The following CFAP54 variants were observed in gnomAD, a reference collection of about 807,000 sequenced individuals.
CFAP54 encodes the protein cilia- and flagella-associated protein 54.
CFAP54 carries 290 observed loss-of-function variants against 370.4 expected under a neutral mutation model. The ratio of observed to expected loss-of-function variants is 0.78; its 90% CI spans 0.71 to 0.86. The LOEUF is 0.86. CFAP54 is among the 40% of genes least tolerant of loss of function. The pLI is 0.00. For synonymous variants in CFAP54, 1,206 were observed against 1,236.5 expected (o/e 0.98, Z 0.52); for missense variants, 3,399 against 3,528.7 (o/e 0.96, Z 0.93).
chr12:96,740,436 C>T (rs992355377), intron 51 of CFAP54, among the ~76,000 whole-genome samples: 1 of 152,236 alleles, frequency 6.6e-6, no homozygotes, highest in African/African-American at 2.4e-5. Flanking sequence ...CATTGCCAGT[C>T]AGATACCTGG....
At chr12:96,534,520 T>C (rs73374076) in intron 11 of CFAP54, among the ~76,000 whole-genome samples, 17,244 of 152,138 alleles carry the variant, frequency 0.11, 1,570 homozygotes, top group East Asian at 0.45. Context: ...TTCTATTTAC[T>C]TTCCGGCTTA....
chr12:96,494,072 A>C (rs1452448299), intron 1 of CFAP54, among the ~76,000 whole-genome samples: 2 of 152,148 alleles, frequency 1.3e-5, no homozygotes. Context: ...TTGACTAGCC[A>C]AACAGAGAGG....
intron 15 of CFAP54, among the ~76,000 whole-genome samples, chr12:96,549,250 C>T (rs535461902): frequency 3.3e-5 from 5 of 152,100 alleles, no homozygotes; most frequent in Non-Finnish European, 5.9e-5. Context: ...CATAGAAATC[C>T]TACCTATAGG....
Position 96,561,704 on chromosome 12 carries a change from TACACACACACACACACACACAC to T in CFAP54, c.2411-2742_2411-2721del, listed in dbSNP as rs56098924. The stretch of plus-strand genomic sequence containing the variant: ...CCTTTTAGTAGATAGAGCTAAGAAA[TACACACACACACACACACACAC>T]ACACACACACACACACACACATGTA... On this transcript the variant is annotated intron_variant, in intron 17 of 67. Transcript: ENST00000524981. 1.9e-4 allele frequency among the ~76,000 whole-genome samples: 24 copies of T among 125,376 alleles called. No homozygotes were observed. In the East Asian group the frequency reaches 4.9e-3, roughly 26 times the overall value. The allele number at this position is 125,376 out of a possible 152,430, so 82.3% of individuals were successfully genotyped here.
chr12:96,806,173 T>TAAA (rs1359533931), intron 63 of CFAP54, among the ~76,000 whole-genome samples: 1 of 50,668 alleles, frequency 2.0e-5, no homozygotes, highest in Admixed American at 1.7e-4. Context: ...TATATATATA[T>TAAA]ATATATATAT....
chr12:96,536,237 A>G (rs192093548), intron 12 of CFAP54, among the ~76,000 whole-genome samples: 1 of 152,308 alleles, frequency 6.6e-6, no homozygotes, highest in Admixed American at 6.5e-5. Context: ...TTTGCTGAGG[A>G]TAATGGAGAA....
intron 63 of CFAP54, among the ~76,000 whole-genome samples, chr12:96,808,654 A>G (rs1958904442): frequency 6.6e-6 from 1 of 152,188 alleles, no homozygotes; most frequent in Non-Finnish European, 1.5e-5. Flanking sequence ...TTATGTAGTC[A>G]AAAACACGTG....
At chr12:96,534,821 TGTCTTCTA>T (rs1482295350) in intron 11 of CFAP54, among the ~76,000 whole-genome samples, 18 of 152,214 alleles carry the variant, frequency 1.2e-4, no homozygotes, top group Admixed American at 1.2e-3. Context: ...TAATGATATA[TGTCTTCTA>T]GTGATTTCTG....
intron 4 of CFAP54, among the ~76,000 whole-genome samples, chr12:96,510,273 A>G (rs895976510): frequency 1.3e-5 from 2 of 149,466 alleles, no homozygotes; most frequent in African/African-American, 4.9e-5. Context: ...AAAAAAAAAG[A>G]ACAAAGGAAA....
chr12:96,720,115 GT>G (rs1424637924), intron 49 of CFAP54, among the ~76,000 whole-genome samples: 1 of 152,198 alleles, frequency 6.6e-6, no homozygotes, highest in East Asian at 1.9e-4. Context: ...AGTAATCAGT[GT>G]TTGCAAGAAC....
intron 64 of CFAP54, among the ~76,000 whole-genome samples, chr12:96,815,878 G>A (rs910026200): frequency 5.3e-5 from 8 of 152,146 alleles, no homozygotes; most frequent in African/African-American, 1.9e-4. Flanking sequence ...TTGTAGATGT[G>A]TGGTGTTATT....
intron 62 of CFAP54, among the ~76,000 whole-genome samples, chr12:96,787,953 C>G (rs1445070019): frequency 6.7e-6 from 1 of 150,072 alleles, no homozygotes; most frequent in African/African-American, 2.5e-5. Context: ...CTCTCTGTCG[C>G]CCAGCCTGAA....
intron 50 of CFAP54, among the ~76,000 whole-genome samples, chr12:96,722,422 G>A (rs879892680): frequency 1.3e-5 from 2 of 152,208 alleles, no homozygotes; most frequent in Non-Finnish European, 2.9e-5. Flanking sequence ...AGGCCATGGA[G>A]ACATGCCTGA....
chr12:96,757,095 C>G (rs964423807), intron 57 of CFAP54, among the ~76,000 whole-genome samples: 12 of 152,156 alleles, frequency 7.9e-5, no homozygotes, highest in Admixed American at 5.9e-4. Flanking sequence ...TTGCATAACT[C>G]TATGTATTTC....
At chr12:96,686,977 T>G (rs1957337600) in intron 42 of CFAP54, among the ~76,000 whole-genome samples, 1 of 152,214 alleles carries the variant, frequency 6.6e-6, no homozygotes, top group Admixed American at 6.5e-5. Context: ...ATCAGGGCTG[T>G]GCTTCCTCTG....
intron 33 of CFAP54, among the ~76,000 whole-genome samples, chr12:96,644,673 A>G (rs545453690): frequency 2.0e-5 from 3 of 152,288 alleles, no homozygotes; most frequent in East Asian, 3.9e-4. Context: ...GGAAGCAAAC[A>G]TGTCCTTCTA....
intron 15 of CFAP54, among the ~76,000 whole-genome samples, chr12:96,548,272 G>A (rs1955661050): frequency 6.6e-6 from 1 of 151,954 alleles, no homozygotes; most frequent in Non-Finnish European, 1.5e-5. Flanking sequence ...TGATCACCTT[G>A]CCTTTCCCCT....
intron 13 of CFAP54, chr12:96,540,269 T>A (rs1222617234): frequency 6.6e-6 from 1 of 152,100 alleles, no homozygotes; most frequent in African/African-American, 2.4e-5. Context: ...CGCTGGCTAT[T>A]TTTTGTATTT....
chr12:96,623,165 T>C (rs551152533), intron 27 of CFAP54, among the ~76,000 whole-genome samples: 1 of 146,040 alleles, frequency 6.8e-6, no homozygotes, highest in African/African-American at 2.5e-5. Flanking sequence ...TACTCAAGGT[T>C]CCTTTAAGCC....
Sources: allele counts gnomAD v4.1 joint callset (sites outside exome capture counted in the v4.1 genomes callset), GRCh38; gene constraint gnomAD v4.1.1; transcripts MANE v1.5; gene names NCBI Gene and HGNC (gene_info 2026-07-23, HGNC 2026-07-21).